Variants in DPEP1 observed in about 807,000 individuals in gnomAD.
DPEP1 encodes beta-lactamase.
Under a neutral mutation model 42.3 loss-of-function variants are expected in DPEP1, and 50 were observed. That is an observed-to-expected ratio of 1.18 (90% CI 0.94 to 1.50). DPEP1 has a LOEUF of 1.50. Ranked by LOEUF, DPEP1 falls within the 40% of genes most tolerant of loss-of-function variation. DPEP1 has a pLI of 0.00. For missense variants in DPEP1, 663 were observed against 553.0 expected, an observed-to-expected ratio of 1.20 and a Z score of -1.99; for synonymous variants, 297 against 234.0, an observed-to-expected ratio of 1.27 and a Z score of -2.46.
chr16:89,618,054 C>T (rs2059399720), intron 1 of DPEP1, among the ~76,000 whole-genome samples: 1 of 151,990 alleles, frequency 6.6e-6, no homozygotes, highest in African/African-American at 2.4e-5. Context: ...AATAAAAAAT[C>T]ATCATTCTAA....
chr16:89,627,320 C>T (rs1272417364), intron 1 of DPEP1, among the ~76,000 whole-genome samples: 1 of 149,724 alleles, frequency 6.7e-6, no homozygotes, highest in African/African-American at 2.5e-5. Context: ...TGGTGGCTCA[C>T]ACCTGTAATC....
In DPEP1 at chr16:89,637,448, C is replaced by G. The variant is rs779570474; in HGVS notation, c.769-20C>G. 2 of 1,612,728 alleles carry G rather than the reference C, an allele frequency of 1.2e-6. No individual in the cohort carries two copies. The highest frequency in any genetic ancestry group is 1.7e-6 in the Non-Finnish European group (2 of 1,179,982). On this transcript the variant is annotated intron_variant, in intron 7 of 10. Transcript: ENST00000690203. Reference sequence around the variant, plus strand: ...GGCCCTCCCAGCTCTCAGCTTCACCCTGTCTTCCTTCTTGTGCAGAAACAG... The same window carrying G: ...GGCCCTCCCAGCTCTCAGCTTCACCGTGTCTTCCTTCTTGTGCAGAAACAG...
In DPEP1 at chr16:89,632,636, A is replaced by G. The variant is rs554833594; in HGVS notation, c.104+2122A>G. Among the ~76,000 whole-genome samples, 8 of 152,260 alleles carry G rather than the reference A, an allele frequency of 5.3e-5. No individual in the cohort carries two copies. In the East Asian group the frequency reaches 1.4e-3, roughly 26 times the overall value. On this transcript the variant is annotated intron_variant, in intron 2 of 10. Coordinates refer to ENST00000690203, the MANE Select transcript of DPEP1 (RefSeq NM_001389466.1). The stretch of plus-strand genomic sequence containing the variant: ...ATATCCCAGCTAAGGGCATTGCCCC[A>G]GCTGCACAGATAAGGAGGGTGGGTC...
At chr16:89,626,407 G>GT (rs768904181) in intron 1 of DPEP1, 5 of 152,224 alleles carry the variant, frequency 3.3e-5, no homozygotes, top group African/African-American at 1.2e-4. Flanking sequence ...CTGGAGTGCA[G>GT]TGGCACAATC....
At chr16:89,631,302 A>AT (rs1258281090) in intron 2 of DPEP1, among the ~76,000 whole-genome samples, 2 of 151,526 alleles carry the variant, frequency 1.3e-5, no homozygotes, top group African/African-American at 4.9e-5. Context: ...CAGGGCGGAG[A>AT]TCCCCACTGC....
intron 1 of DPEP1, among the ~76,000 whole-genome samples, chr16:89,618,651 C>T (rs902788535): frequency 2.6e-5 from 4 of 152,096 alleles, no homozygotes; most frequent in East Asian, 1.9e-4. Flanking sequence ...TGCAGGCACA[C>T]ACCAGCCTGG....
chr16:89,636,186 A>G, intron 3 of DPEP1, 78 bp from the exon 4 acceptor site: 1 of 1,558,036 alleles, frequency 6.4e-7, no homozygotes, highest in Non-Finnish European at 8.6e-7. Flanking sequence ...GCGGGTGGGA[A>G]ACCAGACTCC....
At chr16:89,619,976 C>T (rs916191636) in intron 1 of DPEP1, among the ~76,000 whole-genome samples, 13 of 144,452 alleles carry the variant, frequency 9.0e-5, no homozygotes, top group African/African-American at 2.6e-4. Context: ...GGGTGGGGTC[C>T]GGGATAGGCC....
intron 2 of DPEP1, among the ~76,000 whole-genome samples, chr16:89,634,035 G>A (rs1322103604): frequency 6.6e-6 from 1 of 151,272 alleles, no homozygotes; most frequent in Non-Finnish European, 1.5e-5. Context: ...GTAGCCTAGA[G>A]CCTGCCCTGG....
intron 1 of DPEP1, among the ~76,000 whole-genome samples, chr16:89,627,264 C>T (rs1474278894): frequency 3.1e-5 from 4 of 130,080 alleles, no homozygotes; most frequent in Admixed American, 2.4e-4. Flanking sequence ...TAGAGTGAGA[C>T]TCCGTCTCAA....
At chr16:89,619,842 C>CCCA (rs1555629204) in intron 1 of DPEP1, among the ~76,000 whole-genome samples, 3 of 18,874 alleles carry the variant, frequency 1.6e-4, no homozygotes, top group African/African-American at 8.0e-4. Context: ...CCCTGCGTCC[C>CCCA]CTCCCCTCTC....
chr16:89,640,602 C>T, downstream of DPEP1: 1 of 982,340 alleles, frequency 1.0e-6, no homozygotes, highest in Non-Finnish European at 1.2e-6. Flanking sequence ...AGCCTGGCTG[C>T]TGATCATCCA....
rs368062540 is a variant in DPEP1, at chr16:89,638,061, C to T, written c.1075C>T (p.Leu359Phe). 38 of 1,612,216 alleles carry T rather than the reference C, an allele frequency of 2.4e-5. No individual in the cohort carries two copies. In the African/African-American group the frequency reaches 2.7e-4, roughly 11 times the overall value. ...GTCTGTCTGTCCCCAGGCCAGCAAC[C>T]TCACACAGGCTCCCGAGGAGGAGCC... ...VFEAVEQASN[L>F]TQAPEEEPIP... The change falls in exon 11 of 11, where the codon CTC becomes TTC. Residue 359 changes from leucine (L) to phenylalanine (F), a missense_variant. Leu to Phe is a conservative substitution (Grantham distance 22). Coordinates refer to ENST00000690203, the MANE Select transcript of DPEP1 (RefSeq NM_001389466.1).
intron 1 of DPEP1, among the ~76,000 whole-genome samples, chr16:89,618,442 T>G (rs942062838): frequency 5.9e-5 from 9 of 152,174 alleles, no homozygotes; most frequent in Admixed American, 4.6e-4. Context: ...GGTCTCAAAC[T>G]CCTGGCCTCA....
In DPEP1 at chr16:89,630,455, T is replaced by G; in HGVS notation, c.45T>G (p.Thr15=). ...WWLWPLVAVC[T]ADFFRDEAER... ...TGTGGCCCCTTGTGGCCGTCTGCAC[T>G]GCAGACTTCTTTCGGGACGAGGCAG... Residue 15 remains threonine (T), a synonymous_variant, in exon 2 of 11, where the codon ACT becomes ACG. Transcript: ENST00000690203. 1.2e-6 allele frequency: 2 copies of G among 1,611,284 alleles called. No individual in the cohort carries two copies. Among genetic ancestry groups the G allele is most frequent in the South Asian group, 2.2e-5 (2 of 90,840 alleles).
chr16:89,637,262 TGGCCACCATGAA>T lies in DPEP1; in HGVS notation c.658_669del (p.Met220_Thr223del). 1 of 1,612,742 alleles carries T rather than the reference TGGCCACCATGAA, an allele frequency of 6.2e-7. No individual in the cohort carries two copies. The highest frequency in any genetic ancestry group is 8.5e-7 in the Non-Finnish European group (1 of 1,179,962). ...CTCATCGACTTGGCTCACGTGTCTG[TGGCCACCATGAA>T]GGCCACCCTGCAGCTGTCCAGAGCC... On this transcript the variant is annotated inframe_deletion, in exon 7 of 11. Coordinates refer to ENST00000690203, the MANE Select transcript of DPEP1 (RefSeq NM_001389466.1).
chr16:89,630,558 G>T (rs1016921631), intron 2 of DPEP1, 44 bp downstream of exon 2: 1 of 1,177,368 alleles, frequency 8.5e-7, no homozygotes, highest in Non-Finnish European at 1.2e-6. Context: ...CCAGGACTGG[G>T]AACTGGGGCT....
chr16:89,626,713 C>T (rs1250289486), intron 1 of DPEP1, among the ~76,000 whole-genome samples: 1 of 151,908 alleles, frequency 6.6e-6, no homozygotes, highest in East Asian at 1.9e-4. Flanking sequence ...CCCCCGCTGC[C>T]ATTTAAGACA....
Position 89,635,896 on chromosome 16 carries a change from G to T in DPEP1, c.105-12G>T, listed in dbSNP as rs1253647087. 2 of 1,585,396 alleles carry T rather than the reference G, an allele frequency of 1.3e-6. No homozygotes were observed. The highest frequency in any genetic ancestry group is 1.7e-5 in the Admixed American group (1 of 57,224). On this transcript the variant is annotated splice_polypyrimidine_tract_variant and intron_variant, in intron 2 of 10. Transcript: ENST00000690203. Reference sequence around the variant, plus strand: ...CGCCCTGACTGCCTGGCCTCTCCCCGGCAAACTCCAGGCACAATGACCTCC... The same window carrying T: ...CGCCCTGACTGCCTGGCCTCTCCCCTGCAAACTCCAGGCACAATGACCTCC...
Sources: gnomAD v4.1 joint callset for allele counts (sites outside exome capture counted in the v4.1 genomes callset) on GRCh38, gnomAD v4.1.1 for gene constraint, MANE v1.5 for transcripts, NCBI Gene and HGNC (gene_info 2026-07-23, HGNC 2026-07-21) for gene names.